Variants in DCT observed in about 807,000 individuals in gnomAD.
DCT encodes dopachrome tautomerase.
DCT carries 47 observed loss-of-function variants against 53.0 expected under a neutral mutation model. The observed-to-expected ratio is 0.89, with a 90% CI of 0.70 to 1.13. The LOEUF (loss-of-function observed/expected upper bound fraction) is 1.13. Ranked by LOEUF, DCT falls within the 50% of genes most tolerant of loss-of-function variation. The probability of loss-of-function intolerance (pLI) is 0.00; values close to 1 mark genes in which losing one functional copy is unlikely to be tolerated. For missense variants in DCT, 669 were observed against 637.4 expected, an observed-to-expected ratio of 1.05 and a Z score of -0.53; for synonymous variants, 244 against 237.0, an observed-to-expected ratio of 1.03 and a Z score of -0.27.
Position 94,438,962 on chromosome 13 carries a change from T to C in DCT, c.*936A>G. 1 of 239,312 alleles carries C rather than the reference T, an allele frequency of 4.2e-6. No homozygotes were observed. The highest frequency in any genetic ancestry group is 4.9e-5 in the South Asian group (1 of 20,608). The allele number at this position is 239,312 out of a possible 1,614,324, so 14.8% of individuals were successfully genotyped here. ...ACCTAGTAAAGAAATTGGTAGAGGATCAGCCAAAGAGACCTCAGAGTAATG... is the reference window on the plus strand; with the variant it reads ...ACCTAGTAAAGAAATTGGTAGAGGACCAGCCAAAGAGACCTCAGAGTAATG... On this transcript the variant is annotated 3_prime_UTR_variant, in exon 8 of 8. Coordinates refer to ENST00000377028, the MANE Select transcript of DCT (RefSeq NM_001922.5).
the DCT span, among the ~76,000 whole-genome samples, chr13:94,538,699 C>T: frequency 6.6e-6 from 1 of 152,210 alleles, no homozygotes. Context: ...ATCACAAATA[C>T]AACTGAGACC....
the DCT span, among the ~76,000 whole-genome samples, chr13:94,488,437 A>ATAT: frequency 6.6e-6 from 1 of 152,156 alleles, no homozygotes; most frequent in South Asian, 2.1e-4. Context: ...GTTGTCTGCC[A>ATAT]GGCACGGTGG....
intron 7 of DCT, among the ~76,000 whole-genome samples, chr13:94,440,642 T>C (rs3782974): frequency 2.1e-5 from 3 of 145,938 alleles, no homozygotes; most frequent in African/African-American, 7.7e-5. Context: ...TTTTATAAGC[T>C]CTCTTCCACA....
chr13:94,443,496 T>C lies in DCT; in HGVS notation c.1321A>G (p.Asn441Asp), dbSNP rs760519295. 6.2e-6 allele frequency: 10 copies of C among 1,613,946 alleles called. 1 individual carries two copies. The South Asian group carries it at 7.7e-5, about 12-fold the overall frequency. The change falls in exon 7 of 8, where the codon AAT (asparagine) becomes GAT (aspartate). Residue 441 changes from asparagine (N) to aspartate (D), a missense_variant. Physicochemically the swap from Asn to Asp is conservative, Grantham distance 23. Coordinates refer to ENST00000377028, the MANE Select transcript of DCT (RefSeq NM_001922.5). ...NMVPFFPPVT[N>D]EELFLTSDQL... ...TCTGAGGTTAAAAAGAGTTCTTCATTAGTCACTGGAGGGAAGAAAGGAACC... is the reference window on the plus strand; with the variant it reads ...TCTGAGGTTAAAAAGAGTTCTTCATCAGTCACTGGAGGGAAGAAAGGAACC...
chr13:94,547,488 C>T, the DCT span, among the ~76,000 whole-genome samples: 1 of 152,034 alleles, frequency 6.6e-6, no homozygotes, highest in Non-Finnish European at 1.5e-5. Context: ...TGCCTTATGC[C>T]CTTCAGTCGA....
chr13:94,490,515 A>AAAAAAAAAAAAAAAC, the DCT span, among the ~76,000 whole-genome samples: 6 of 140,348 alleles, frequency 4.3e-5, no homozygotes, highest in Non-Finnish European at 4.7e-5. Flanking sequence ...AAAAAAAAAA[A>AAAAAAAAAAAAAAAC]AAAAAAAAAA....
At chr13:94,464,326 G>A (rs1229008450) in intron 4 of DCT, among the ~76,000 whole-genome samples, 1 of 152,246 alleles carries the variant, frequency 6.6e-6, no homozygotes, top group East Asian at 1.9e-4. Context: ...ACGAAAGACA[G>A]AGCAGTGGGG....
the DCT span, among the ~76,000 whole-genome samples, chr13:94,523,785 C>A: frequency 6.6e-6 from 1 of 152,150 alleles, no homozygotes; most frequent in Non-Finnish European, 1.5e-5. Flanking sequence ...AAGCCCCCAA[C>A]ACCTTTCTGA....
At chr13:94,460,266 T>C in intron 5 of DCT, 40 bp from the exon 6 acceptor site, 1 of 1,587,426 alleles carries the variant, frequency 6.3e-7, no homozygotes, top group Non-Finnish European at 8.6e-7. Context: ...AGACAAAGAC[T>C]GATAAAGGTC....
chr13:94,527,816 A>T, the DCT span, among the ~76,000 whole-genome samples: 2 of 152,222 alleles, frequency 1.3e-5, no homozygotes, highest in Non-Finnish European at 2.9e-5. Context: ...TCAGCTTCAG[A>T]AGGTCGGTAA....
the DCT span, among the ~76,000 whole-genome samples, chr13:94,507,431 C>T: frequency 0.01 from 1,572 of 152,018 alleles, 27 homozygotes; most frequent in African/African-American, 0.036. Context: ...AGGTGCAACA[C>T]CTTTGATGTG....
chr13:94,508,299 G>A, the DCT span, among the ~76,000 whole-genome samples: 51 of 152,234 alleles, frequency 3.4e-4, no homozygotes, highest in African/African-American at 1.0e-3. Context: ...ACACATATTC[G>A]CTAGTAATAT....
chr13:94,547,984 A>AAAATATATATATAT, the DCT span, among the ~76,000 whole-genome samples: 2 of 65,820 alleles, frequency 3.0e-5, no homozygotes, highest in African/African-American at 2.6e-4. Context: ...AAAAAAAAAA[A>AAAATATATATATAT]ATATATATAT....
At chr13:94,493,949 T>C in the DCT span, among the ~76,000 whole-genome samples, 1 of 152,202 alleles carries the variant, frequency 6.6e-6, no homozygotes, top group Non-Finnish European at 1.5e-5. Flanking sequence ...AGAGGCTGTA[T>C]GGGAACTCTT....
the DCT span, among the ~76,000 whole-genome samples, chr13:94,529,125 C>A: frequency 2.6e-5 from 4 of 152,152 alleles, no homozygotes; most frequent in Non-Finnish European, 1.5e-5. Context: ...CACAGGAGCA[C>A]CCAGATTCAT....
At chr13:94,504,983 G>A in the DCT span, among the ~76,000 whole-genome samples, 4 of 151,868 alleles carry the variant, frequency 2.6e-5, no homozygotes, top group African/African-American at 7.3e-5. Context: ...GAACGGAGAC[G>A]GCACTTCATT....
chr13:94,492,224 C>G, the DCT span, among the ~76,000 whole-genome samples: 3 of 152,220 alleles, frequency 2.0e-5, no homozygotes, highest in Non-Finnish European at 2.9e-5. Flanking sequence ...TTATAAATGA[C>G]AGCAGAGAAG....
Position 94,479,203 on chromosome 13 carries a change from A to G in DCT, c.53T>C (p.Leu18Pro). ...FLLSCLGCKI[L>P]PGAQGQFPRV... Reference sequence around the variant, plus strand: ...GGGGAACTGACCCTGGGCTCCTGGCAGGATTTTGCAGCCCAAGCAACTGAG... The same window carrying G: ...GGGGAACTGACCCTGGGCTCCTGGCGGGATTTTGCAGCCCAAGCAACTGAG... The change falls in exon 1 of 8, where the codon CTG becomes CCG. Residue 18 changes from leucine (L) to proline (P), a missense_variant. Leu to Pro is a moderately conservative substitution (Grantham distance 98, BLOSUM62 -3). Transcript: ENST00000377028. The G allele has an allele frequency of 6.2e-7, 1 of 1,608,120 alleles. No individual in the cohort carries two copies. Among genetic ancestry groups the G allele is most frequent in the Non-Finnish European group, 8.5e-7 (1 of 1,175,040 alleles).
chr13:94,534,479 A>G, the DCT span, among the ~76,000 whole-genome samples: 2 of 152,244 alleles, frequency 1.3e-5, no homozygotes, highest in Admixed American at 1.3e-4. Context: ...TGCTTTTCAC[A>G]TTCATATAGT....
Sources: gnomAD v4.1 joint callset for allele counts (sites outside exome capture counted in the v4.1 genomes callset) on GRCh38, gnomAD v4.1.1 for gene constraint, MANE v1.5 for transcripts, NCBI Gene and HGNC (gene_info 2026-07-23, HGNC 2026-07-21) for gene names.